HS3ST6: variants seen among roughly 807,000 people sequenced by gnomAD.
HS3ST6 encodes heparan sulfate glucosamine 3-O-sulfotransferase 6.
In HS3ST6, 13 loss-of-function variants were observed where a neutral mutation model predicts 11.0. That is an observed-to-expected ratio of 1.18 (90% CI 0.77 to 1.88). HS3ST6 has a LOEUF of 1.88. Among genes scored for constraint, HS3ST6 ranks in the 40% most tolerant of loss-of-function variants. The pLI is 0.00. For missense variants in HS3ST6, 541 were observed against 494.4 expected (o/e 1.09, Z -0.89); for synonymous variants, 232 against 230.6 (o/e 1.01, Z -0.06).
At chr16:1,914,367 G>T (rs911393) in intron 1 of HS3ST6, among the ~76,000 whole-genome samples, 56,033 of 151,866 alleles carry the variant, frequency 0.37, 10,520 homozygotes, top group South Asian at 0.55. Flanking sequence ...AGAAGGGGAG[G>T]CACCACCCCC....
rs1391598016 is a variant in HS3ST6 at position 1,912,450 on chromosome 16, G to T, written c.414-245C>A. ...CCTGTTCCGCCGGCCTGCCCCGCCT[G>T]CTGCTGCACTGAGGATTAGGGTGAC... On this transcript the variant is annotated intron_variant, in intron 1 of 1. Transcript: ENST00000454677. This position sits in a 1 kb window ranked among gnomAD's most constrained non-coding sequence, Gnocchi z 5.6. Among the ~76,000 whole-genome samples the T allele has an allele frequency of 6.6e-6, 1 of 152,170 alleles. No homozygotes were observed. Among genetic ancestry groups the T allele is most frequent in the Non-Finnish European group, 1.5e-5 (1 of 68,020 alleles).
At chr16:1,920,657 C>T (rs1489674266), upstream of HS3ST6, among the ~76,000 whole-genome samples, 4 of 148,722 alleles carry the variant, frequency 2.7e-5, no homozygotes, top group East Asian at 2.0e-4. Context: ...TTGACCAGAA[C>T]GCAGAACAGC....
In HS3ST6 at chr16:1,912,248, C is replaced by G. The variant is rs1231646249; in HGVS notation, c.414-43G>C. 1.5e-6 allele frequency: 2 copies of G among 1,326,158 alleles called. No individual in the cohort carries two copies. Among genetic ancestry groups the G allele is most frequent in the South Asian group, 5.5e-5 (2 of 36,688 alleles). 82.1% of individuals were successfully genotyped at this position (1,326,158 alleles called of 1,614,324 possible). A position where few individuals can be genotyped will look rare whatever the true frequency, so the allele number is the denominator to read the frequency against. On this transcript the variant is annotated intron_variant, in intron 1 of 1. Coordinates refer to ENST00000454677, the MANE Select transcript of HS3ST6 (RefSeq NM_001009606.4). The surrounding 1 kb of genome is among the most constrained non-coding windows in gnomAD (Gnocchi z 5.6). ...GGAGAGGGGGCCTGAGCCTCCCCAG[C>G]CCTAGACCGGCCCCCAGGGGCCCGG...
In HS3ST6 at chr16:1,912,323, G is replaced by A; in HGVS notation, c.414-118C>T. ...AAGCCCAGGCCTCCAGGGCGAGCAAGTCTTCCTCCCTGCTCGGGCCCACCC... is the reference window on the plus strand; with the variant it reads ...AAGCCCAGGCCTCCAGGGCGAGCAAATCTTCCTCCCTGCTCGGGCCCACCC... On this transcript the variant is annotated intron_variant, in intron 1 of 1. Transcript: ENST00000454677. The surrounding 1 kb of genome is among the most constrained non-coding windows in gnomAD (Gnocchi z 5.6). 3 of 963,476 alleles carry A rather than the reference G, an allele frequency of 3.1e-6. No individual in the cohort carries two copies. The highest frequency in any genetic ancestry group is 4.1e-6 in the Non-Finnish European group (3 of 733,698). 59.7% of individuals were successfully genotyped at this position (963,476 alleles called of 1,614,324 possible).
At position 1,912,144 on chromosome 16, in the gene HS3ST6, C is replaced by T. The variant is rs756283294; in HGVS notation, c.475G>A (p.Val159Met). ...ATGCGGCGGGGGGCCTCTCGCGTCACGAAGTAGCTGGGGGTCTTCTCCATG... is the reference window on the plus strand; with the variant it reads ...ATGCGGCGGGGGGCCTCTCGCGTCATGAAGTAGCTGGGGGTCTTCTCCATG... Reference protein sequence around the residue: ...ITMEKTPSYFVTREAPRRIHA... With the variant: ...ITMEKTPSYFMTREAPRRIHA... Residue 159 changes from valine (V) to methionine (M), a missense_variant, in exon 2 of 2, where the codon GTG (valine) becomes ATG (methionine). Transcript: ENST00000454677. The surrounding 1 kb of genome is among the most constrained non-coding windows in gnomAD (Gnocchi z 5.6). The T allele has an allele frequency of 6.7e-6, 10 of 1,490,952 alleles. No individual in the cohort carries two copies. The highest frequency in any genetic ancestry group is 1.4e-5 in the African/African-American group (1 of 70,216). 92.4% of individuals were successfully genotyped at this position (1,490,952 alleles called of 1,614,324 possible). A position where few individuals can be genotyped will look rare whatever the true frequency, so the allele number is the denominator to read the frequency against.
rs890465058 is a variant in HS3ST6 at position 1,913,333 on chromosome 16, G to A, written c.414-1128C>T. 4.6e-5 allele frequency among the ~76,000 whole-genome samples: 7 copies of A among 152,182 alleles called. No homozygotes were observed. The South Asian group carries it at 1.4e-3, about 32-fold the overall frequency. On this transcript the variant is annotated intron_variant, in intron 1 of 1. Coordinates refer to ENST00000454677, the MANE Select transcript of HS3ST6 (RefSeq NM_001009606.4). ...ATTCTCCTCATTCTGACACAGGAGA[G>A]GAGGGCACTGACCCAGTCCCAAGGT... is the stretch of plus-strand genomic sequence containing the variant.
intron 1 of HS3ST6, 99 bp downstream of exon 1, chr16:1,917,812 T>A: frequency 3.5e-5 from 34 of 967,614 alleles, no homozygotes; most frequent in Admixed American, 1.3e-4. Context: ...AGCGCACCCC[T>A]GCTCCCTGGG....
chr16:1,912,680 G>C lies in HS3ST6; in HGVS notation c.414-475C>G, dbSNP rs1003022587. ...TCACTTGAGGTCACCCGTTCACTCA[G>C]TGGCTGACAGCATCCCCTAAATCAG... is the stretch of plus-strand genomic sequence containing the variant. On this transcript the variant is annotated intron_variant, in intron 1 of 1. Transcript: ENST00000454677. This position sits in a 1 kb window ranked among gnomAD's most constrained non-coding sequence, Gnocchi z 5.6. Among the ~76,000 whole-genome samples the C allele has an allele frequency of 2.0e-5, 3 of 152,050 alleles. No homozygotes were observed. The highest frequency in any genetic ancestry group is 4.4e-5 in the Non-Finnish European group (3 of 68,012).
chr16:1,915,256 T>G (rs12599786), intron 1 of HS3ST6, among the ~76,000 whole-genome samples: 32,872 of 152,220 alleles, frequency 0.22, 3,647 homozygotes, highest in South Asian at 0.36. Context: ...TGCCTCCTCT[T>G]GCTTTTCTTT....
At chr16:1,919,652 A>C (rs987693889), upstream of HS3ST6, among the ~76,000 whole-genome samples, 7 of 152,218 alleles carry the variant, frequency 4.6e-5, no homozygotes, top group Non-Finnish European at 1.0e-4. Context: ...GCATCTGGAC[A>C]AGTCCCAGCA....
rs1398451795 is a variant in HS3ST6, at chr16:1,912,232, G to C, written c.414-27C>G. On this transcript the variant is annotated intron_variant, in intron 1 of 1. Coordinates refer to ENST00000454677, the MANE Select transcript of HS3ST6 (RefSeq NM_001009606.4). This position sits in a 1 kb window ranked among gnomAD's most constrained non-coding sequence, Gnocchi z 5.6. The stretch of plus-strand genomic sequence containing the variant: ...TGCGGGACGGGTGCAAGGAGAGGGG[G>C]CCTGAGCCTCCCCAGCCCTAGACCG... 1.5e-6 allele frequency: 2 copies of C among 1,368,920 alleles called. No individual in the cohort carries two copies. Among genetic ancestry groups the C allele is most frequent in the South Asian group, 2.2e-5 (1 of 44,654 alleles). 84.8% of individuals were successfully genotyped at this position (1,368,920 alleles called of 1,614,324 possible).
rs975389116 is a variant in HS3ST6, at chr16:1,911,527, G to A, written c.*63C>T. 3 of 1,461,796 alleles carry A rather than the reference G, an allele frequency of 2.1e-6. No homozygotes were observed. The highest frequency in any genetic ancestry group is 1.8e-6 in the Non-Finnish European group (2 of 1,103,560). The allele number at this position is 1,461,796 out of a possible 1,614,324, so 90.6% of individuals were successfully genotyped here. A position where few individuals can be genotyped will look rare whatever the true frequency, so the allele number is the denominator to read the frequency against. ...ATTCCTCTCTGCCCAGCATGTGCACGCAGCCCGCTCTGGCCAGGCGAGCGG... is the reference window on the plus strand; with the variant it reads ...ATTCCTCTCTGCCCAGCATGTGCACACAGCCCGCTCTGGCCAGGCGAGCGG... On this transcript the variant is annotated 3_prime_UTR_variant, in exon 2 of 2. Transcript: ENST00000454677.
At position 1,912,387 on chromosome 16, in the gene HS3ST6, T is replaced by G. The variant is rs927278746; in HGVS notation, c.414-182A>C. Among the ~76,000 whole-genome samples the G allele has an allele frequency of 6.6e-6, 1 of 152,022 alleles. No homozygotes were observed. Among genetic ancestry groups the G allele is most frequent in the Non-Finnish European group, 1.5e-5 (1 of 67,948 alleles). On this transcript the variant is annotated intron_variant, in intron 1 of 1. Transcript: ENST00000454677. The surrounding 1 kb of genome is among the most constrained non-coding windows in gnomAD (Gnocchi z 5.6). ...CGGCTGGGCAGCCTGGAACATGGAC[T>G]GTGAGGGTGCCCAGCCCGGCACCTG...
At chr16:1,917,877 G>A (rs1382572818) in intron 1 of HS3ST6, 34 bp downstream of exon 1, 4 of 1,335,806 alleles carry the variant, frequency 3.0e-6, no homozygotes, top group Non-Finnish European at 3.9e-6. Flanking sequence ...CCCCAGGAAG[G>A]CGCCGGTCAG....
chr16:1,920,273 C>T (rs1469071882), upstream of HS3ST6, among the ~76,000 whole-genome samples: 15 of 139,330 alleles, frequency 1.1e-4, no homozygotes, highest in African/African-American at 3.9e-4. Context: ...GCAGTCCCCA[C>T]GGTCTCAGGA....
At position 1,912,436 on chromosome 16, in the gene HS3ST6, G is replaced by C. The variant is rs898649280; in HGVS notation, c.414-231C>G. Among the ~76,000 whole-genome samples the C allele has an allele frequency of 1.3e-5, 2 of 152,082 alleles. No individual in the cohort carries two copies. Among genetic ancestry groups the C allele is most frequent in the South Asian group, 2.1e-4 (1 of 4,828 alleles). On this transcript the variant is annotated intron_variant, in intron 1 of 1. Transcript: ENST00000454677. The surrounding 1 kb of genome is among the most constrained non-coding windows in gnomAD (Gnocchi z 5.6). The stretch of plus-strand genomic sequence containing the variant: ...TGCCTGCAGCCCGGCCTGTTCCGCC[G>C]GCCTGCCCCGCCTGCTGCTGCACTG...
chr16:1,918,524 G>T (rs2082943413), upstream of HS3ST6: 3 of 152,332 alleles, frequency 2.0e-5, no homozygotes, highest in Admixed American at 2.0e-4. The surrounding 1 kb of genome is among the most constrained non-coding windows in gnomAD (Gnocchi z 6.0). Context: ...CGCCTCCGAG[G>T]CCACTGCCTG....
chr16:1,917,340 G>A (rs1190089223), intron 1 of HS3ST6, among the ~76,000 whole-genome samples: 2 of 152,164 alleles, frequency 1.3e-5, no homozygotes, highest in African/African-American at 4.8e-5. Flanking sequence ...CCCCATGCAC[G>A]GGGCTGGACT....
In HS3ST6 at chr16:1,911,505, C is replaced by A; in HGVS notation, c.*85G>T. The stretch of plus-strand genomic sequence containing the variant: ...GTCCAAGCTTTATTTCTTAAATATT[C>A]CTCTCTGCCCAGCATGTGCACGCAG... On this transcript the variant is annotated 3_prime_UTR_variant, in exon 2 of 2. Transcript: ENST00000454677. 1.4e-6 allele frequency: 2 copies of A among 1,393,292 alleles called. No homozygotes were observed. The highest frequency in any genetic ancestry group is 3.0e-5 in the South Asian group (2 of 67,276). 86.3% of individuals were successfully genotyped at this position (1,393,292 alleles called of 1,614,324 possible). A position where few individuals can be genotyped will look rare whatever the true frequency, so the allele number is the denominator to read the frequency against.
Sources: allele counts gnomAD v4.1 joint callset (sites outside exome capture counted in the v4.1 genomes callset), GRCh38; gene constraint gnomAD v4.1.1; non-coding constraint Gnocchi (gnomAD v3.1); transcripts MANE v1.5; gene names NCBI Gene and HGNC (gene_info 2026-07-23, HGNC 2026-07-21).